LAMA5: variants seen among roughly 807,000 people sequenced by gnomAD.
LAMA5 encodes laminin subunit alpha 5.
LAMA5 carries 260 observed loss-of-function variants against 433.4 expected under a neutral mutation model. The ratio of observed to expected loss-of-function variants is 0.60; its 90% CI spans 0.54 to 0.66. The LOEUF is 0.66. Among genes scored for constraint, LAMA5 ranks in the 30% least tolerant of loss-of-function variants. The pLI is 0.00. For missense variants in LAMA5, 5,378 were observed against 5,258.5 expected (o/e 1.02, Z -0.70); for synonymous variants, 2,620 against 2,226.6 (o/e 1.18, Z -4.97).
intron 34 of LAMA5, 130 bp from the exon 35 acceptor site, chr20:62,328,575 C>T (rs1158866676): frequency 8.9e-6 from 9 of 1,009,682 alleles, no homozygotes; most frequent in East Asian, 7.9e-5. Flanking sequence ...ACCCCTGCCC[C>T]GGGTGCTGAG....
At chr20:62,331,968 C>T (rs1353358534) in intron 28 of LAMA5, among the ~76,000 whole-genome samples, 1 of 151,936 alleles carries the variant, frequency 6.6e-6, no homozygotes, top group Non-Finnish European at 1.5e-5. Flanking sequence ...ACGAGAATCG[C>T]TTGAACCCAG....
At chr20:62,334,896 G>A (rs974745805) in intron 20 of LAMA5, 125 bp downstream of exon 20, 11 of 886,168 alleles carry the variant, frequency 1.2e-5, no homozygotes, top group African/African-American at 8.2e-5. Flanking sequence ...GGCACCAAGG[G>A]GCAGCCATCC....
intron 37 of LAMA5, 44 bp from the exon 38 acceptor site, chr20:62,327,450 C>A (rs972117876): frequency 1.3e-6 from 2 of 1,597,804 alleles, no homozygotes; most frequent in Non-Finnish European, 8.5e-7. Context: ...GATGCCCACA[C>A]ATCACAGGGC....
chr20:62,353,797 C>T (rs79913969), intron 2 of LAMA5, among the ~76,000 whole-genome samples: 16,000 of 152,048 alleles, frequency 0.11, 1,251 homozygotes, highest in African/African-American at 0.22. Flanking sequence ...ACACCGGGCA[C>T]CCCTCCCCAG....
chr20:62,365,030 G>A (rs78620666), intron 1 of LAMA5, among the ~76,000 whole-genome samples: 9,509 of 152,308 alleles, frequency 0.062, 327 homozygotes, highest in South Asian at 0.17. Flanking sequence ...GCAGACCCGC[G>A]GCTCTCAGAT....
chr20:62,330,329 G>A (rs896613430), intron 31 of LAMA5, among the ~76,000 whole-genome samples, 159 bp downstream of exon 31: 2 of 152,260 alleles, frequency 1.3e-5, no homozygotes, highest in Non-Finnish European at 2.9e-5. Flanking sequence ...CGGGCGGGTA[G>A]GGGCTGCGGG....
At chr20:62,311,557 G>A in intron 71 of LAMA5, 21 bp from the exon 72 acceptor site, 1 of 1,610,058 alleles carries the variant, frequency 6.2e-7, no homozygotes, top group Non-Finnish European at 8.5e-7. Context: ...CGGGCAGGCG[G>A]TCAGCAGCTG....
At chr20:62,321,502 G>A (rs1206165741) in intron 48 of LAMA5, among the ~76,000 whole-genome samples, 1 of 62,350 alleles carries the variant, frequency 1.6e-5, no homozygotes, top group Non-Finnish European at 3.0e-5. Context: ...CAGTGGAGGG[G>A]TGGGGTCAGT....
Position 62,316,760 on chromosome 20 carries a change from T to C in LAMA5, c.7667A>G (p.Gln2556Arg), listed in dbSNP as rs1337396305. Residue 2556 changes from glutamine (Q) to arginine (R), a missense_variant, in exon 57 of 80, where the codon CAG (glutamine) becomes CGG (arginine). Transcript: ENST00000252999. ...ADHTWATVVRQGLVDRAQQLL... is the reference protein window; with the variant it reads ...ADHTWATVVRRGLVDRAQQLL... ...CTGCTGGGCTCGGTCCACCAGGCCC[T>C]GCCGCACCACCGTCTGTGGATGCCA... 4 of 1,606,252 alleles carry C rather than the reference T, an allele frequency of 2.5e-6. No homozygotes were observed. The highest frequency in any genetic ancestry group is 3.4e-6 in the Non-Finnish European group (4 of 1,176,366).
At chr20:62,365,573 G>A (rs1986629166) in intron 1 of LAMA5, among the ~76,000 whole-genome samples, 3 of 152,180 alleles carry the variant, frequency 2.0e-5, no homozygotes, top group African/African-American at 7.2e-5. Context: ...TCTCAGCTGG[G>A]GACACTCAGC....
intron 2 of LAMA5, among the ~76,000 whole-genome samples, chr20:62,353,933 C>T (rs1477316224): frequency 1.3e-5 from 2 of 152,086 alleles, no homozygotes; most frequent in Non-Finnish European, 2.9e-5. Context: ...CTGAGTCTGC[C>T]TCGGAGACTC....
At chr20:62,353,040 G>T in intron 3 of LAMA5, 94 bp downstream of exon 3, 1 of 864,870 alleles carries the variant, frequency 1.2e-6, no homozygotes, top group Non-Finnish European at 1.8e-6. Context: ...GGGCAGGGCT[G>T]GGTATTCGGA....
At chr20:62,325,215 C>G in intron 41 of LAMA5, 101 bp downstream of exon 41, 1 of 777,156 alleles carries the variant, frequency 1.3e-6, no homozygotes, top group Non-Finnish European at 2.0e-6. Context: ...AGTAGGGTGA[C>G]AGGAAGTGGA....
In LAMA5 at chr20:62,364,563, G is replaced by A. The variant is rs373065833; in HGVS notation, c.298-2011C>T. 3.9e-5 allele frequency among the ~76,000 whole-genome samples: 6 copies of A among 152,338 alleles called. No individual in the cohort carries two copies. The East Asian group carries it at 7.7e-4, about 20-fold the overall frequency. ...AACCAGGCTCCCCCACCTCCGCTGCGGAGGGTCCCGTGAGAACAGAGCTAG... is the reference window on the plus strand; with the variant it reads ...AACCAGGCTCCCCCACCTCCGCTGCAGAGGGTCCCGTGAGAACAGAGCTAG... On this transcript the variant is annotated intron_variant, in intron 1 of 79. Coordinates refer to ENST00000252999, the MANE Select transcript of LAMA5 (RefSeq NM_005560.6).
At position 62,337,580 on chromosome 20, in the gene LAMA5, G is replaced by A; in HGVS notation, c.2164+10C>T. On this transcript the variant is annotated intron_variant, in intron 16 of 79. Transcript: ENST00000252999. ...CGGCACCTGGTGCACACAGCCACCT[G>A]CCTGCTCACCTTCGCAGTAGGGGAA... 2.5e-6 allele frequency: 4 copies of A among 1,594,578 alleles called. No individual in the cohort carries two copies. The highest frequency in any genetic ancestry group is 2.6e-6 in the Non-Finnish European group (3 of 1,171,600).
Position 62,366,232 on chromosome 20 carries a change from G to A in LAMA5, c.297+717C>T, listed in dbSNP as rs117283245. On this transcript the variant is annotated intron_variant, in intron 1 of 79. Transcript: ENST00000252999. ...AGGGCCCCAAGAGCCTTGGTTTTCA[G>A]GTGAGGTGTCCATGCATGGAGTCCA... Among the ~76,000 whole-genome samples the A allele has an allele frequency of 5.9e-5, 9 of 152,336 alleles. No individual in the cohort carries two copies. The East Asian group carries it at 1.5e-3, about 26-fold the overall frequency.
At chr20:62,316,181 C>T in intron 57 of LAMA5, 123 bp from the exon 58 acceptor site, 1 of 685,344 alleles carries the variant, frequency 1.5e-6, no homozygotes. Flanking sequence ...TGGACAGGGA[C>T]ACTCAGACAT....
At chr20:62,330,977 G>GCCCTGC (rs1980274102) in intron 29 of LAMA5, 33 bp from the exon 30 acceptor site, 1 of 1,561,240 alleles carries the variant, frequency 6.4e-7, no homozygotes, top group Non-Finnish European at 8.7e-7. Context: ...GTCAGAGCCG[G>GCCCTGC]CCCTGCCGCC....
In LAMA5 at chr20:62,310,051, CCCCTGCT is replaced by C; in HGVS notation, c.10758_10764del (p.Ala3587SerfsTer6). The C allele has an allele frequency of 1.2e-6, 2 of 1,611,358 alleles. No homozygotes were observed. The highest frequency in any genetic ancestry group is 1.7e-6 in the Non-Finnish European group (2 of 1,179,740). ...GGGCGGGTCACTGACGTGGAGAACT[CCCCTGCT>C]CCGTCATCCGCCCGCAGCAGGACCT... On this transcript the variant is annotated frameshift_variant, in exon 78 of 80. Coordinates refer to ENST00000252999, the MANE Select transcript of LAMA5 (RefSeq NM_005560.6). LOFTEE classifies it high-confidence loss of function.
Sources: gnomAD v4.1 joint callset for allele counts (sites outside exome capture counted in the v4.1 genomes callset) on GRCh38, gnomAD v4.1.1 for gene constraint, MANE v1.5 for transcripts, NCBI Gene and HGNC (gene_info 2026-07-23, HGNC 2026-07-21) for gene names.